Variants in SEMA5A observed in about 807,000 individuals in gnomAD.
SEMA5A encodes the protein semaphorin-5A.
A neutral mutation model predicts 135.5 loss-of-function variants in SEMA5A; 55 were observed. The observed-to-expected ratio is 0.41, with a 90% confidence interval of 0.33 to 0.51. SEMA5A has a LOEUF of 0.51. SEMA5A is among the 20% of genes least tolerant of loss of function. The pLI, the probability that SEMA5A is intolerant of heterozygous loss-of-function variation, is 0.37. For missense variants in SEMA5A, 1,290 were observed against 1,419.9 expected (o/e 0.91, Z 1.47); for synonymous variants, 580 against 546.5 (o/e 1.06, Z -0.85).
At chr5:9,221,551 C>T (rs62341023) in intron 8 of SEMA5A, among the ~76,000 whole-genome samples, 132,621 of 150,850 alleles carry the variant, frequency 0.88, 58,328 homozygotes, top group Non-Finnish European at 0.9. Flanking sequence ...ATCCGCCCGC[C>T]TCGGCCTCCC....
In SEMA5A at chr5:9,327,441, C is replaced by T. The variant is rs929251264; in HGVS notation, c.225-9024G>A. ...CCTATCCCAGAAAGAGCATTTTGAG[C>T]TCCTTAAAAGTCTTGGTTATTAGAA... is the stretch of plus-strand genomic sequence containing the variant. On this transcript the variant is annotated intron_variant, in intron 4 of 22. Coordinates refer to ENST00000382496, the MANE Select transcript of SEMA5A (RefSeq NM_003966.3). Among the ~76,000 whole-genome samples, 17 of 152,096 alleles carry T rather than the reference C, an allele frequency of 1.1e-4. 1 individual carries two copies. The highest frequency in any genetic ancestry group is 2.7e-4 in the African/African-American group (11 of 41,408).
intron 6 of SEMA5A, among the ~76,000 whole-genome samples, chr5:9,234,403 G>A (rs993888407): frequency 6.6e-6 from 1 of 152,184 alleles, no homozygotes. Flanking sequence ...AAATAAGAAA[G>A]AGGAACTTAT....
chr5:9,152,877 G>A (rs1742706334), intron 12 of SEMA5A, among the ~76,000 whole-genome samples: 2 of 152,146 alleles, frequency 1.3e-5, no homozygotes, highest in Non-Finnish European at 1.5e-5. Context: ...TTCGGGACCA[G>A]CCTGGCCAAC....
chr5:9,281,805 C>T (rs1236912567), intron 5 of SEMA5A, among the ~76,000 whole-genome samples: 1 of 148,414 alleles, frequency 6.7e-6, no homozygotes, highest in African/African-American at 2.5e-5. Flanking sequence ...ATTTCATAAC[C>T]TCTTTGGGAT....
intron 5 of SEMA5A, among the ~76,000 whole-genome samples, chr5:9,249,327 G>A (rs1383482484): frequency 6.6e-6 from 1 of 152,160 alleles, no homozygotes; most frequent in Non-Finnish European, 1.5e-5. Context: ...CAATGGAGAA[G>A]CCACTGACTT....
At chr5:9,535,900 G>A (rs1737737446) in intron 1 of SEMA5A, among the ~76,000 whole-genome samples, 1 of 152,184 alleles carries the variant, frequency 6.6e-6, no homozygotes, top group South Asian at 2.1e-4. Flanking sequence ...CAGACGTCGG[G>A]ATGTAACTGA....
intron 2 of SEMA5A, among the ~76,000 whole-genome samples, chr5:9,397,766 T>C (rs565451286): frequency 1.3e-5 from 2 of 152,364 alleles, no homozygotes; most frequent in African/African-American, 4.8e-5. Context: ...CACCAGAGGA[T>C]TGCAGTAGCT....
At chr5:9,507,059 G>A (rs1297461991) in intron 1 of SEMA5A, among the ~76,000 whole-genome samples, 3 of 152,190 alleles carry the variant, frequency 2.0e-5, no homozygotes, top group Non-Finnish European at 4.4e-5. Flanking sequence ...CCATTAGTAA[G>A]ATAACATAGG....
chr5:9,132,723 G>C (rs955477128), intron 13 of SEMA5A, among the ~76,000 whole-genome samples: 5 of 152,182 alleles, frequency 3.3e-5, no homozygotes, highest in Non-Finnish European at 7.3e-5. Context: ...GTTTACTTGG[G>C]AGGGTCACAC....
chr5:9,334,982 C>T (rs193179057), intron 4 of SEMA5A, among the ~76,000 whole-genome samples: 1 of 152,218 alleles, frequency 6.6e-6, no homozygotes, highest in East Asian at 1.9e-4. Context: ...TGGAGACCTC[C>T]AGGAATGAGG....
At position 9,044,460 on chromosome 5, in the gene SEMA5A, G is replaced by A. The variant is rs757658833; in HGVS notation, c.3018C>T (p.Ile1006=). The A allele has an allele frequency of 3.1e-6, 5 of 1,613,988 alleles. No homozygotes were observed. In the South Asian group the frequency reaches 4.4e-5, roughly 14 times the overall value. Residue 1006 remains isoleucine, a synonymous_variant, in exon 22 of 23, where the codon ATC becomes ATT. Transcript: ENST00000382496. ...TAAGGGGGGCAGGTGAGACGGGGTG[G>A]ATGACAGTCGCATCGTGGGATTGCT... is the stretch of plus-strand genomic sequence containing the variant. The part of the protein sequence containing the change: ...YQQQSHDATV[I]HPVSPAPLNT...
intron 5 of SEMA5A, among the ~76,000 whole-genome samples, chr5:9,295,845 C>T (rs917548913): frequency 4.6e-4 from 70 of 152,168 alleles, no homozygotes; most frequent in Non-Finnish European, 1.5e-4. Flanking sequence ...GAAAACTTAA[C>T]CTCTTTATTT....
At chr5:9,199,206 T>C (rs940059327) in intron 9 of SEMA5A, among the ~76,000 whole-genome samples, 2 of 152,156 alleles carry the variant, frequency 1.3e-5, no homozygotes, top group African/African-American at 4.8e-5. Flanking sequence ...TGGGCTCTGG[T>C]GTCACCCAGA....
intron 1 of SEMA5A, among the ~76,000 whole-genome samples, chr5:9,444,597 G>T (rs901468982): frequency 6.6e-6 from 1 of 152,076 alleles, no homozygotes. Flanking sequence ...TCATTGGTGG[G>T]CATTTTGGTT....
chr5:9,531,445 C>T (rs569710116), intron 1 of SEMA5A, among the ~76,000 whole-genome samples: 1 of 152,256 alleles, frequency 6.6e-6, no homozygotes, highest in South Asian at 2.1e-4. Flanking sequence ...GTATCTGTGC[C>T]AGATGGGCAT....
chr5:9,507,937 T>G (rs75813438), intron 1 of SEMA5A, among the ~76,000 whole-genome samples: 11,954 of 150,850 alleles, frequency 0.079, 517 homozygotes, highest in South Asian at 0.098. Flanking sequence ...CCAGGAGGCA[T>G]AGCTTGCAGT....
At chr5:9,113,414 T>C (rs1460985790) in intron 15 of SEMA5A, among the ~76,000 whole-genome samples, 1 of 151,912 alleles carries the variant, frequency 6.6e-6, no homozygotes. Flanking sequence ...TAGAGGAAAA[T>C]GGGATAAAGA....
At chr5:9,460,699 C>T (rs951638478) in intron 1 of SEMA5A, among the ~76,000 whole-genome samples, 8 of 152,118 alleles carry the variant, frequency 5.3e-5, no homozygotes, top group Non-Finnish European at 2.9e-5. Flanking sequence ...ATTCCAATTT[C>T]CATTTTTGAA....
chr5:9,436,851 G>A (rs1480115906), intron 2 of SEMA5A, among the ~76,000 whole-genome samples: 2 of 152,064 alleles, frequency 1.3e-5, no homozygotes, highest in East Asian at 1.9e-4. Context: ...CAACACCTAG[G>A]TCTAAAGTGC....
Sources: allele counts gnomAD v4.1 joint callset (sites outside exome capture counted in the v4.1 genomes callset), GRCh38; gene constraint gnomAD v4.1.1; transcripts MANE v1.5; gene names NCBI Gene and HGNC (gene_info 2026-07-23, HGNC 2026-07-21).